The following GABRB3 variants were observed in gnomAD, a reference collection of about 807,000 sequenced individuals.
GABRB3 encodes the protein gamma-aminobutyric acid receptor subunit beta-3.
A neutral mutation model predicts 52.1 loss-of-function variants in GABRB3; 14 were observed. The observed-to-expected ratio is 0.27, with a 90% CI of 0.18 to 0.42. The LOEUF (loss-of-function observed/expected upper bound fraction) is 0.42. Ranked by LOEUF, GABRB3 falls within the 10% of genes least tolerant of loss-of-function variation. The probability of loss-of-function intolerance (pLI) is 1.00; values close to 1 mark genes in which losing one functional copy is unlikely to be tolerated. For missense variants in GABRB3, 307 were observed against 609.1 expected (o/e 0.50, Z 5.22); for synonymous variants, 260 against 232.3 (o/e 1.12, Z -1.08).
intron 3 of GABRB3, among the ~76,000 whole-genome samples, chr15:26,741,045 A>AGTGT (rs55860555): frequency 0.074 from 4,101 of 55,242 alleles, 156 homozygotes; most frequent in African/African-American, 0.12. Flanking sequence ...GGGAGGAATA[A>AGTGT]GTGTGTGTGT....
chr15:26,598,363 G>A (rs1426207), intron 4 of GABRB3, among the ~76,000 whole-genome samples: 25,566 of 152,110 alleles, frequency 0.17, 2,195 homozygotes, highest in African/African-American at 0.22. Context: ...TGGATTGGGT[G>A]GGGGAAGTGA....
chr15:26,761,006 G>C (rs1162124433), intron 3 of GABRB3, among the ~76,000 whole-genome samples: 2 of 152,278 alleles, frequency 1.3e-5, no homozygotes, highest in East Asian at 3.9e-4. Flanking sequence ...CCTCTTATGA[G>C]AGTACTGTGC....
rs564461643 is a variant in GABRB3 at position 26,733,105 on chromosome 15, T to C, written c.240+39297A>G. On this transcript the variant is annotated intron_variant, in intron 3 of 8. Coordinates refer to ENST00000311550, the MANE Select transcript of GABRB3 (RefSeq NM_000814.6). ...AGATCAGGAACGAGGCAAGAAGGCC[T>C]GCTGTTTCCTCTTCTATTCAACATA... Among the ~76,000 whole-genome samples the C allele has an allele frequency of 5.7e-3, 873 of 152,316 alleles. 5 individuals are homozygous for C. The highest frequency in any genetic ancestry group is 0.02 in the African/African-American group (837 of 41,560).
At chr15:26,654,715 C>T (rs964009788) in intron 3 of GABRB3, among the ~76,000 whole-genome samples, 4 of 152,082 alleles carry the variant, frequency 2.6e-5, no homozygotes, top group African/African-American at 9.7e-5. Context: ...GACCTGTGAC[C>T]GTGCCACTGC....
At chr15:26,559,386 T>C (rs1889892993) in intron 8 of GABRB3, among the ~76,000 whole-genome samples, 1 of 152,168 alleles carries the variant, frequency 6.6e-6, no homozygotes, top group Non-Finnish European at 1.5e-5. Flanking sequence ...TTGCCATGCT[T>C]CCTGTAAAAC....
chr15:26,579,216 G>A (rs1461149174), intron 6 of GABRB3, among the ~76,000 whole-genome samples: 1 of 152,192 alleles, frequency 6.6e-6, no homozygotes, highest in East Asian at 1.9e-4. Flanking sequence ...GATGAACCAC[G>A]CATGACTGAC....
At chr15:26,758,323 C>T (rs953225845) in intron 3 of GABRB3, among the ~76,000 whole-genome samples, 4 of 152,184 alleles carry the variant, frequency 2.6e-5, no homozygotes, top group African/African-American at 9.7e-5. Flanking sequence ...TGTCAATTAA[C>T]AGAGGCTTGC....
intron 3 of GABRB3, among the ~76,000 whole-genome samples, chr15:26,731,765 T>C (rs1889920718): frequency 6.6e-6 from 1 of 152,060 alleles, no homozygotes. Context: ...CACAGCAGAG[T>C]TGTGAACACG....
intron 3 of GABRB3, among the ~76,000 whole-genome samples, chr15:26,765,116 C>G (rs968426637): frequency 3.8e-5 from 4 of 105,574 alleles, no homozygotes; most frequent in African/African-American, 1.5e-4. Flanking sequence ...GGTGACAGAG[C>G]GAGACTCCGA....
At chr15:26,612,118 G>A (rs1892092678) in intron 4 of GABRB3, 1 of 152,132 alleles carries the variant, frequency 6.6e-6, no homozygotes, top group Non-Finnish European at 1.5e-5. Flanking sequence ...AAAAGAATAA[G>A]AAATAGTTAC....
chr15:26,738,335 C>T (rs1890118648), intron 3 of GABRB3, among the ~76,000 whole-genome samples: 2 of 152,092 alleles, frequency 1.3e-5, no homozygotes, highest in Admixed American at 6.5e-5. Flanking sequence ...CACCCGCCTC[C>T]GCCCCCCAAA....
At chr15:26,564,362 T>A (rs944837618) in intron 7 of GABRB3, among the ~76,000 whole-genome samples, 1 of 152,154 alleles carries the variant, frequency 6.6e-6, no homozygotes, top group African/African-American at 2.4e-5. Flanking sequence ...GTTCAATGTA[T>A]CTGATGGTCA....
At chr15:26,685,955 C>A (rs1217398060) in intron 3 of GABRB3, among the ~76,000 whole-genome samples, 2 of 152,122 alleles carry the variant, frequency 1.3e-5, no homozygotes, top group Non-Finnish European at 2.9e-5. Context: ...AAGGTGTTCA[C>A]CACCATGCCC....
chr15:26,740,198 G>C (rs1283559249), intron 3 of GABRB3, among the ~76,000 whole-genome samples: 2 of 152,108 alleles, frequency 1.3e-5, no homozygotes, highest in South Asian at 2.1e-4. Flanking sequence ...AGGTAGGGGA[G>C]CTAGGCTGGT....
intron 3 of GABRB3, among the ~76,000 whole-genome samples, chr15:26,753,414 G>A (rs1219685199): frequency 1.3e-5 from 2 of 152,138 alleles, no homozygotes; most frequent in Non-Finnish European, 2.9e-5. Flanking sequence ...AAAAAGGAGC[G>A]GTCTTCACTA....
At chr15:26,766,945 T>TTC (rs1891013959) in intron 3 of GABRB3, among the ~76,000 whole-genome samples, 1 of 152,124 alleles carries the variant, frequency 6.6e-6, no homozygotes, top group South Asian at 2.1e-4. Context: ...GCAAAAAGCA[T>TTC]TCTCATTTTG....
chr15:26,730,943 A>G (rs993917805), intron 3 of GABRB3, among the ~76,000 whole-genome samples: 5 of 151,810 alleles, frequency 3.3e-5, no homozygotes, highest in African/African-American at 1.2e-4. Context: ...TACTTTTATC[A>G]AGCAATAATG....
chr15:26,631,543 A>C (rs2140559244), intron 3 of GABRB3, among the ~76,000 whole-genome samples: 1 of 152,352 alleles, frequency 6.6e-6, no homozygotes, highest in South Asian at 2.1e-4. Flanking sequence ...TGGTTCAGCA[A>C]GTTTATGATA....
rs770214111 is a variant in GABRB3, at chr15:26,772,435, G to A, written c.207C>T (p.Ile69=). The A allele has an allele frequency of 1.9e-6, 3 of 1,610,900 alleles. No homozygotes were observed. Among genetic ancestry groups the A allele is most frequent in the Non-Finnish European group, 2.5e-6 (3 of 1,178,514 alleles). ...PPVCVGMNID[I]ASIDMVSEVN... ...CTTCGGAAACCATGTCGATGCTGGC[G>A]ATGTCGATGTTCATCCCCACGCAGA... The change falls in exon 3 of 9, where the codon ATC becomes ATT. Residue 69 remains isoleucine, a synonymous_variant. Coordinates refer to ENST00000311550, the MANE Select transcript of GABRB3 (RefSeq NM_000814.6).
Sources: gnomAD v4.1 joint callset for allele counts (sites outside exome capture counted in the v4.1 genomes callset) on GRCh38, gnomAD v4.1.1 for gene constraint, MANE v1.5 for transcripts, NCBI Gene and HGNC (gene_info 2026-07-23, HGNC 2026-07-21) for gene names.